Variants in ERC2 observed in about 807,000 individuals in gnomAD.
ERC2 encodes the protein ELKS/RAB6-interacting/CAST family member 2, also known as ERC protein 2.
ERC2 carries 42 observed loss-of-function variants against 114.8 expected under a neutral mutation model. That is an observed-to-expected ratio of 0.37 (90% confidence interval 0.29 to 0.47). ERC2 has a LOEUF of 0.47. ERC2 is among the 20% of genes least tolerant of loss of function. The pLI, the probability that ERC2 is intolerant of heterozygous loss-of-function variation, is 0.99. For synonymous variants in ERC2, 454 were observed against 425.5 expected, an observed-to-expected ratio of 1.07 and a Z score of -0.82; for missense variants, 939 against 1,150.7, an observed-to-expected ratio of 0.82 and a Z score of 2.66.
intron 14 of ERC2, among the ~76,000 whole-genome samples, chr3:55,784,967 A>G (rs930387511): frequency 2.6e-5 from 4 of 152,232 alleles, no homozygotes; most frequent in African/African-American, 9.6e-5. Context: ...GAGATAAGAA[A>G]GACATTTAAA....
chr3:56,252,904 A>G (rs2150237453), intron 3 of ERC2, among the ~76,000 whole-genome samples: 1 of 152,340 alleles, frequency 6.6e-6, no homozygotes, highest in African/African-American at 2.4e-5. Context: ...TCACTTGGAA[A>G]TAGATAGAAA....
intron 17 of ERC2, among the ~76,000 whole-genome samples, chr3:55,652,322 T>A (rs1418699751): frequency 6.6e-6 from 1 of 152,228 alleles, no homozygotes; most frequent in Non-Finnish European, 1.5e-5. Context: ...ACTATTGACT[T>A]TTGACATTAG....
chr3:56,409,652 G>GA (rs1214187146), intron 2 of ERC2, among the ~76,000 whole-genome samples: 2 of 151,902 alleles, frequency 1.3e-5, no homozygotes, highest in Admixed American at 6.6e-5. Flanking sequence ...GACAGGGAGA[G>GA]AAAAAATCAT....
chr3:55,862,150 C>T (rs1317182751), intron 14 of ERC2, among the ~76,000 whole-genome samples: 1 of 152,174 alleles, frequency 6.6e-6, no homozygotes, highest in Non-Finnish European at 1.5e-5. Context: ...AACACACACA[C>T]ATACACATAT....
At chr3:56,259,647 TTGATATGATA>T (rs58550092) in intron 3 of ERC2, among the ~76,000 whole-genome samples, 4,649 of 144,070 alleles carry the variant, frequency 0.032, 84 homozygotes, top group African/African-American at 0.042. Context: ...TGGTACAGAT[TTGATATGATA>T]TGATATGATA....
chr3:55,524,153 G>C (rs1328434072), intron 17 of ERC2, among the ~76,000 whole-genome samples: 1 of 152,218 alleles, frequency 6.6e-6, no homozygotes, highest in Non-Finnish European at 1.5e-5. Flanking sequence ...AGTGCAATGA[G>C]AAGTAGTCCT....
At chr3:56,248,064 C>T (rs2051843839) in intron 3 of ERC2, among the ~76,000 whole-genome samples, 2 of 152,172 alleles carry the variant, frequency 1.3e-5, no homozygotes, top group South Asian at 4.2e-4. Context: ...TTTTTCATTC[C>T]TACCAATTCT....
intron 2 of ERC2, among the ~76,000 whole-genome samples, chr3:56,358,787 G>T (rs1011967971): frequency 6.6e-6 from 1 of 152,210 alleles, no homozygotes; most frequent in African/African-American, 2.4e-5. Flanking sequence ...TCATGAGCTT[G>T]TTGTGAGGAT....
chr3:56,048,380 C>G (rs151322746), intron 7 of ERC2, among the ~76,000 whole-genome samples: 6 of 152,104 alleles, frequency 3.9e-5, no homozygotes, highest in Non-Finnish European at 7.3e-5. Flanking sequence ...AGACTTGAAC[C>G]CAAGTCTCTC....
intron 8 of ERC2, among the ~76,000 whole-genome samples, chr3:56,013,558 G>C (rs536566402): frequency 1.8e-4 from 28 of 152,216 alleles, no homozygotes; most frequent in Non-Finnish European, 3.5e-4. Context: ...GGTGGAAACA[G>C]CTTCCAGGAG....
chr3:56,339,814 A>G (rs2150487082), intron 2 of ERC2, among the ~76,000 whole-genome samples: 1 of 152,264 alleles, frequency 6.6e-6, no homozygotes, highest in South Asian at 2.1e-4. Flanking sequence ...TAATGACAAG[A>G]GCAACAGACC....
chr3:55,678,125 G>A (rs1239070073), intron 17 of ERC2, among the ~76,000 whole-genome samples: 1 of 152,140 alleles, frequency 6.6e-6, no homozygotes, highest in Non-Finnish European at 1.5e-5. Context: ...AGGAGGAAGT[G>A]GGGACAGAGA....
At chr3:56,437,982 C>A (rs1260947714) in intron 1 of ERC2, among the ~76,000 whole-genome samples, 1 of 152,172 alleles carries the variant, frequency 6.6e-6, no homozygotes. Context: ...CAAAGTGTTA[C>A]CAGTGGTGGA....
At chr3:55,979,485 G>C (rs184868706) in intron 12 of ERC2, among the ~76,000 whole-genome samples, 13 of 152,228 alleles carry the variant, frequency 8.5e-5, no homozygotes, top group African/African-American at 3.1e-4. Flanking sequence ...ATTATGGGTG[G>C]AATCTCACTA....
chr3:55,746,842 C>T (rs138095742), intron 14 of ERC2, among the ~76,000 whole-genome samples: 421 of 152,262 alleles, frequency 2.8e-3, no homozygotes, highest in Middle Eastern at 0.01. Context: ...TTGTGCCTGC[C>T]ACAGAGCTGG....
intron 17 of ERC2, among the ~76,000 whole-genome samples, chr3:55,670,290 A>C (rs2061507146): frequency 1.3e-5 from 2 of 152,254 alleles, no homozygotes; most frequent in Non-Finnish European, 2.9e-5. Context: ...AGGGAAGAAC[A>C]AAAGGAGGAA....
chr3:55,694,015 A>T (rs2062804395), intron 16 of ERC2, among the ~76,000 whole-genome samples: 1 of 152,208 alleles, frequency 6.6e-6, no homozygotes, highest in Non-Finnish European at 1.5e-5. Context: ...GGCAAAGATG[A>T]CATTTAATTC....
chr3:55,808,736 TATATATAAC>T (rs1559689543), intron 14 of ERC2, among the ~76,000 whole-genome samples: 3 of 91,254 alleles, frequency 3.3e-5, no homozygotes, highest in Non-Finnish European at 6.9e-5. Flanking sequence ...TATATATATA[TATATATAAC>T]GTATAACTAA....
intron 3 of ERC2, among the ~76,000 whole-genome samples, chr3:56,254,222 C>A (rs13081402): frequency 0.46 from 69,890 of 152,070 alleles, 16,313 homozygotes; most frequent in Middle Eastern, 0.49. Flanking sequence ...GTGACTCTAA[C>A]AGGCAGAGAC....
Sources: allele counts gnomAD v4.1 joint callset (sites outside exome capture counted in the v4.1 genomes callset), GRCh38; gene constraint gnomAD v4.1.1; transcripts MANE v1.5; gene names NCBI Gene and HGNC (gene_info 2026-07-23, HGNC 2026-07-21).